The following IRF2 variants were observed in gnomAD, a reference collection of about 807,000 sequenced individuals.
IRF2 encodes interferon regulatory factor 2.
In IRF2, 15 loss-of-function variants were observed where a neutral mutation model predicts 40.6. The observed-to-expected ratio is 0.37, with a 90% CI of 0.25 to 0.57. IRF2 has a LOEUF of 0.57. Ranked by LOEUF, IRF2 falls within the 20% of genes least tolerant of loss-of-function variation. The probability of loss-of-function intolerance (pLI) is 0.77; values close to 1 mark genes in which losing one functional copy is unlikely to be tolerated. For synonymous variants in IRF2, 151 were observed against 165.5 expected (o/e 0.91, Z 0.67); for missense variants, 317 against 455.7 (o/e 0.70, Z 2.77).
Position 184,388,657 on chromosome 4 carries a change from A to T in IRF2, c.*101T>A. 8.3e-7 allele frequency: 1 copy of T among 1,211,044 alleles called. No individual in the cohort carries two copies. The highest frequency in any genetic ancestry group is 1.2e-6 in the Non-Finnish European group (1 of 855,068). 75.0% of individuals were successfully genotyped at this position (1,211,044 alleles called of 1,614,324 possible). A position where few individuals can be genotyped will look rare whatever the true frequency, so the allele number is the denominator to read the frequency against. On this transcript the variant is annotated 3_prime_UTR_variant, in exon 9 of 9. Transcript: ENST00000393593. The surrounding 1 kb of genome is among the most constrained non-coding windows in gnomAD (Gnocchi z 4.6). ...TTCTATTGTCAAGGCTTTTTCCCTT[A>T]GATTTGTCTAAAATAGGTGTCAGAG...
intron 1 of IRF2, among the ~76,000 whole-genome samples, chr4:184,443,087 G>A (rs567139887): frequency 4.6e-5 from 7 of 152,142 alleles, no homozygotes; most frequent in South Asian, 2.1e-4. Context: ...CACCTTGCCC[G>A]GTGAATTTTT....
rs567605062 is a variant in IRF2 at position 184,413,490 on chromosome 4, A to G, written c.411+4677T>C. Among the ~76,000 whole-genome samples the G allele has an allele frequency of 3.3e-5, 5 of 152,338 alleles. No individual in the cohort carries two copies. In the East Asian group the frequency reaches 9.6e-4, roughly 29 times the overall value. ...GTTTAAAAACTGAAGACCTCTTCCA[A>G]CTAGTGAAGGGATCACTCCAGTAGC... On this transcript the variant is annotated intron_variant, in intron 5 of 8. Transcript: ENST00000393593. The surrounding 1 kb of genome is among the most constrained non-coding windows in gnomAD (Gnocchi z 4.2).
rs1038790720 is a variant in IRF2 at position 184,408,800 on chromosome 4, C to T, written c.412-525G>A. ...AGATAAGTTTTGCCATGGCCTCTGG[C>T]CACCTGAGGCCCTGCATTGGATGGC... On this transcript the variant is annotated intron_variant, in intron 5 of 8. Coordinates refer to ENST00000393593, the MANE Select transcript of IRF2 (RefSeq NM_002199.4). This position sits in a 1 kb window ranked among gnomAD's most constrained non-coding sequence, Gnocchi z 4.9. 1.3e-5 allele frequency among the ~76,000 whole-genome samples: 2 copies of T among 152,234 alleles called. No homozygotes were observed. The highest frequency in any genetic ancestry group is 2.4e-5 in the African/African-American group (1 of 41,454).
intron 1 of IRF2, among the ~76,000 whole-genome samples, chr4:184,440,455 G>A (rs1738262960): frequency 6.6e-6 from 1 of 152,224 alleles, no homozygotes; most frequent in Non-Finnish European, 1.5e-5. Flanking sequence ...AGCTCCAGGG[G>A]CCTCCCCGGC....
At position 184,419,460 on chromosome 4, in the gene IRF2, T is replaced by G; in HGVS notation, c.187+9A>C. 1 of 1,570,636 alleles carries G rather than the reference T, an allele frequency of 6.4e-7. No individual in the cohort carries two copies. Among genetic ancestry groups the G allele is most frequent in the Non-Finnish European group, 8.7e-7 (1 of 1,145,908 alleles). Reference sequence around the variant, plus strand: ...CTTCCTCTATAAACGCCGCAGGGAGTTTTAGTACCTGTATGGATTGCCCAG... The same window carrying G: ...CTTCCTCTATAAACGCCGCAGGGAGGTTTAGTACCTGTATGGATTGCCCAG... On this transcript the variant is annotated intron_variant, in intron 3 of 8. Transcript: ENST00000393593.
intron 6 of IRF2, among the ~76,000 whole-genome samples, chr4:184,405,333 G>A (rs1471974308): frequency 6.6e-6 from 1 of 152,208 alleles, no homozygotes; most frequent in East Asian, 1.9e-4. Flanking sequence ...GATGAGACGT[G>A]TTGGGCTGGA....
intron 1 of IRF2, among the ~76,000 whole-genome samples, chr4:184,436,071 G>C (rs11132246): frequency 0.37 from 55,936 of 151,084 alleles, 10,470 homozygotes; most frequent in Admixed American, 0.47. Flanking sequence ...CTGCCTCCCA[G>C]GTTCAAGCAA....
intron 2 of IRF2, among the ~76,000 whole-genome samples, chr4:184,420,267 A>C (rs1358904855): frequency 6.6e-6 from 1 of 152,136 alleles, no homozygotes; most frequent in Non-Finnish European, 1.5e-5. Flanking sequence ...GTAAATAGTA[A>C]CTCCAGCTAT....
intron 2 of IRF2, among the ~76,000 whole-genome samples, chr4:184,424,063 T>TAC (rs5864888): frequency 7.0e-4 from 105 of 150,918 alleles, no homozygotes; most frequent in Middle Eastern, 6.8e-3. Context: ...TACACACAGA[T>TAC]ACACACACAC....
intron 5 of IRF2, among the ~76,000 whole-genome samples, chr4:184,410,332 T>C (rs1737026996): frequency 6.6e-6 from 1 of 152,196 alleles, no homozygotes; most frequent in African/African-American, 2.4e-5. Context: ...TACTAGTAAA[T>C]AAGCACTCAC....
intron 1 of IRF2, among the ~76,000 whole-genome samples, chr4:184,463,548 A>G (rs1739217247): frequency 6.6e-6 from 1 of 152,228 alleles, no homozygotes; most frequent in African/African-American, 2.4e-5. Context: ...ATATTATTAC[A>G]ATTAATTTTA....
chr4:184,459,956 A>C (rs1380195644), intron 1 of IRF2, among the ~76,000 whole-genome samples: 2 of 152,254 alleles, frequency 1.3e-5, no homozygotes, highest in African/African-American at 4.8e-5. Context: ...GTGGTTCTTC[A>C]AATGTTAAAC....
At chr4:184,455,253 T>TTCCCC (rs1738873266) in intron 1 of IRF2, among the ~76,000 whole-genome samples, 19 of 35,390 alleles carry the variant, frequency 5.4e-4, no homozygotes, top group Non-Finnish European at 7.7e-4. Flanking sequence ...TCCCCTCCCC[T>TTCCCC]CCCCCTTCCC....
In IRF2 at chr4:184,456,947, G is replaced by A. The variant is rs929342126; in HGVS notation, c.-7+17432C>T. ...TCGCCCCAGGGAAGTGAAGAGTCCG[G>A]CAAACATCCAGTCAATGCCATCAAG... is the stretch of plus-strand genomic sequence containing the variant. On this transcript the variant is annotated intron_variant, in intron 1 of 8. Transcript: ENST00000393593. 2.6e-5 allele frequency among the ~76,000 whole-genome samples: 4 copies of A among 152,228 alleles called. No homozygotes were observed. In the South Asian group the frequency reaches 8.3e-4, roughly 32 times the overall value.
At chr4:184,461,849 C>A (rs1207288333) in intron 1 of IRF2, among the ~76,000 whole-genome samples, 1 of 152,042 alleles carries the variant, frequency 6.6e-6, no homozygotes, top group East Asian at 1.9e-4. Flanking sequence ...ATGACCACAC[C>A]CAAAAGTGGA....
Position 184,456,377 on chromosome 4 carries a change from C to G in IRF2, c.-7+18002G>C, listed in dbSNP as rs897981919. Reference sequence around the variant, plus strand: ...GGAAGGGAAGAAAGAACATTCCCAACAAAAGGAAGAACAACGACAAGGGCA... The same window carrying G: ...GGAAGGGAAGAAAGAACATTCCCAAGAAAAGGAAGAACAACGACAAGGGCA... On this transcript the variant is annotated intron_variant, in intron 1 of 8. Transcript: ENST00000393593. 3.3e-5 allele frequency among the ~76,000 whole-genome samples: 5 copies of G among 152,204 alleles called. 1 individual carries two copies. Among genetic ancestry groups the G allele is most frequent in the African/African-American group, 1.2e-4 (5 of 41,436 alleles).
chr4:184,427,964 T>C (rs1302412166), intron 2 of IRF2, among the ~76,000 whole-genome samples: 2 of 152,350 alleles, frequency 1.3e-5, no homozygotes, highest in East Asian at 3.9e-4. Context: ...GAGGAACTTC[T>C]CTCCTGGGCC....
intron 6 of IRF2, among the ~76,000 whole-genome samples, chr4:184,401,568 A>G (rs1736666967): frequency 6.6e-6 from 1 of 152,188 alleles, no homozygotes; most frequent in Non-Finnish European, 1.5e-5. Flanking sequence ...TGAGGACATC[A>G]ATTATGCAGG....
chr4:184,454,110 G>C (rs532936671), intron 1 of IRF2, among the ~76,000 whole-genome samples: 1 of 152,278 alleles, frequency 6.6e-6, no homozygotes, highest in South Asian at 2.1e-4. Context: ...TTGATTTGAA[G>C]GGCACTATCT....
Sources: gnomAD v4.1 joint callset for allele counts (sites outside exome capture counted in the v4.1 genomes callset) on GRCh38, gnomAD v4.1.1 for gene constraint, Gnocchi (gnomAD v3.1) non-coding constraint, MANE v1.5 for transcripts, NCBI Gene and HGNC (gene_info 2026-07-23, HGNC 2026-07-21) for gene names.